The following CATSPERD variants were observed in gnomAD, a reference collection of about 807,000 sequenced individuals.
The protein encoded by CATSPERD is cation channel sperm-associated auxiliary subunit delta.
CATSPERD carries 86 observed loss-of-function variants against 98.1 expected under a neutral mutation model. The ratio of observed to expected loss-of-function variants is 0.88; its 90% CI spans 0.74 to 1.05. The LOEUF (loss-of-function observed/expected upper bound fraction) is 1.05. Ranked by LOEUF, CATSPERD falls within the 50% of genes least tolerant of loss-of-function variation. The pLI is 0.00. For missense variants in CATSPERD, 995 were observed against 1,005.7 expected (o/e 0.99, Z 0.14); for synonymous variants, 394 against 390.2 (o/e 1.01, Z -0.12).
rs751474758 is a variant in CATSPERD, at chr19:5,768,238, G to A, written c.1630G>A (p.Glu544Lys). 5.6e-6 allele frequency: 9 copies of A among 1,612,750 alleles called. No individual in the cohort carries two copies. In the South Asian group the frequency reaches 7.7e-5, roughly 14 times the overall value. Residue 544 changes from glutamate (E) to lysine (K), a missense_variant, in exon 18 of 22, where the codon GAG (glutamate) becomes AAG (lysine). Physicochemically the swap from Glu to Lys is moderately conservative, Grantham distance 56. Coordinates refer to ENST00000381624, the MANE Select transcript of CATSPERD (RefSeq NM_152784.4). ...GCAAGACAATTACAGCTTCATCATC[G>A]AGAAGTAAGCCAGCGTCCCCCCGCA... is the stretch of plus-strand genomic sequence containing the variant. Reference protein sequence around the residue: ...TLQDNYSFIIEKEFYDPGFQG... With the variant: ...TLQDNYSFIIKKEFYDPGFQG...
intron 4 of CATSPERD, among the ~76,000 whole-genome samples, chr19:5,730,218 T>C (rs745592630): frequency 6.6e-5 from 10 of 152,180 alleles, no homozygotes; most frequent in South Asian, 2.1e-4. Flanking sequence ...AATAGATAGA[T>C]GGGATGGTAT....
intron 5 of CATSPERD, among the ~76,000 whole-genome samples, chr19:5,736,872 A>G (rs1395111453): frequency 1.3e-5 from 2 of 151,936 alleles, no homozygotes; most frequent in Admixed American, 6.6e-5. Flanking sequence ...CCTGGCTAAC[A>G]CAGTGAAACC....
At position 5,778,479 on chromosome 19, in the gene CATSPERD, C is replaced by G. The variant is rs746960381; in HGVS notation, c.2200C>G (p.Leu734Val). Residue 734 changes from leucine to valine, a missense_variant, in exon 22 of 22, where the codon CTG becomes GTG. By Grantham distance (32) the Leu-to-Val change is conservative (BLOSUM62 1). Transcript: ENST00000381624. ...VVILLIISSILGSVWLAYKTP... is the reference protein window; with the variant it reads ...VVILLIISSIVGSVWLAYKTP... ...CATCCTACTGATCATCTCCAGCATC[C>G]TGGGGTCCGTTTGGCTGGCCTACAA... The G allele has an allele frequency of 1.9e-6, 3 of 1,614,064 alleles. No individual in the cohort carries two copies. The highest frequency in any genetic ancestry group is 2.2e-5 in the South Asian group (2 of 91,088).
chr19:5,754,289 C>A, intron 13 of CATSPERD, 44 bp downstream of exon 13: 1 of 1,394,674 alleles, frequency 7.2e-7, no homozygotes, highest in Non-Finnish European at 1.0e-6. Context: ...TTCTCAGCCA[C>A]ATGCCTGGTG....
At chr19:5,752,024 G>T (rs1408247532) in intron 12 of CATSPERD, among the ~76,000 whole-genome samples, 1 of 151,890 alleles carries the variant, frequency 6.6e-6, no homozygotes, top group Non-Finnish European at 1.5e-5. Flanking sequence ...TTAAAGCTGG[G>T]CGTTGGCCAG....
chr19:5,723,684 T>A (rs1347246060), intron 1 of CATSPERD, among the ~76,000 whole-genome samples: 1 of 151,898 alleles, frequency 6.6e-6, no homozygotes, highest in Non-Finnish European at 1.5e-5. Context: ...CAGGATGGTC[T>A]CGATCTCCTG....
chr19:5,727,958 A>G (rs1040350201), intron 3 of CATSPERD, among the ~76,000 whole-genome samples: 1 of 151,428 alleles, frequency 6.6e-6, no homozygotes, highest in African/African-American at 2.4e-5. Context: ...TGGGAGGCCA[A>G]GGCAGGAGGA....
chr19:5,723,226 T>C (rs73544724), intron 1 of CATSPERD, among the ~76,000 whole-genome samples: 15,268 of 150,932 alleles, frequency 0.1, 1,381 homozygotes, highest in African/African-American at 0.23. Context: ...AAAAGAAATT[T>C]TCAGAAATCA....
At position 5,744,426 on chromosome 19, in the gene CATSPERD, G is replaced by A; in HGVS notation, c.574-1G>A. On this transcript the variant is annotated splice_acceptor_variant, in intron 7 of 21. Coordinates refer to ENST00000381624, the MANE Select transcript of CATSPERD (RefSeq NM_152784.4). LOFTEE classifies it high-confidence loss of function. ...TGAAGTCTTTTCTGTTTGTTTCATA[G>A]GCAGAAATCATTGGGTCTTTAGGCG... 1 of 1,610,038 alleles carries A rather than the reference G, an allele frequency of 6.2e-7. No homozygotes were observed. Among genetic ancestry groups the A allele is most frequent in the Non-Finnish European group, 8.5e-7 (1 of 1,177,452 alleles).
intron 12 of CATSPERD, 116 bp downstream of exon 12, chr19:5,751,939 G>A: frequency 1.1e-6 from 1 of 937,544 alleles, no homozygotes; most frequent in Non-Finnish European, 1.5e-6. Flanking sequence ...GAGGCTGGAG[G>A]GTTGTTTGAG....
intron 21 of CATSPERD, among the ~76,000 whole-genome samples, chr19:5,776,936 G>A (rs897512517): frequency 5.3e-5 from 8 of 151,776 alleles, no homozygotes; most frequent in East Asian, 1.9e-4. Context: ...CAGTGGCTTC[G>A]AATCAGCCAC....
Position 5,778,155 on chromosome 19 carries a change from C to T in CATSPERD, c.2097-221C>T, listed in dbSNP as rs897175009. Among the ~76,000 whole-genome samples, 5 of 147,370 alleles carry T rather than the reference C, an allele frequency of 3.4e-5. No individual in the cohort carries two copies. The South Asian group carries it at 1.1e-3, about 31-fold the overall frequency. On this transcript the variant is annotated intron_variant, in intron 21 of 21. Transcript: ENST00000381624. ...TCAGGAGGCGGAGGTTGCAATGAGC[C>T]GAGATCGTGCCACTGCACTCCAGCC...
intron 18 of CATSPERD, among the ~76,000 whole-genome samples, chr19:5,769,407 A>G (rs1327209076): frequency 6.6e-6 from 1 of 151,940 alleles, no homozygotes; most frequent in Non-Finnish European, 1.5e-5. Flanking sequence ...TACCATAAAT[A>G]TGGCTCCAAG....
chr19:5,722,561 G>A (rs1230415997), intron 1 of CATSPERD, among the ~76,000 whole-genome samples: 1 of 152,134 alleles, frequency 6.6e-6, no homozygotes, highest in Admixed American at 6.6e-5. Context: ...TGAAAATGTG[G>A]GTTATATCCA....
chr19:5,746,452 G>A (rs181219171), intron 9 of CATSPERD, among the ~76,000 whole-genome samples: 3 of 151,142 alleles, frequency 2.0e-5, no homozygotes, highest in East Asian at 3.9e-4. Context: ...TTTTTGAGAC[G>A]GAGTCTCACT....
intron 5 of CATSPERD, among the ~76,000 whole-genome samples, chr19:5,734,926 C>T (rs1188917945): frequency 6.6e-6 from 1 of 151,968 alleles, no homozygotes; most frequent in Non-Finnish European, 1.5e-5. Flanking sequence ...GAGCATTGTC[C>T]CTCCCACACA....
At chr19:5,772,534 G>A (rs1462104030) in intron 19 of CATSPERD, 10 of 457,446 alleles carry the variant, frequency 2.2e-5, no homozygotes, top group African/African-American at 2.0e-4. Context: ...GCTCCGAGCA[G>A]ACTTTTCCTT....
intron 1 of CATSPERD, 103 bp downstream of exon 1, chr19:5,720,911 C>T (rs1015266262): frequency 3.3e-6 from 3 of 896,048 alleles, no homozygotes; most frequent in Admixed American, 5.6e-5. Flanking sequence ...CTGAGGCTCC[C>T]CTTTTACTCT....
At chr19:5,758,923 CAAAA>C (rs1002375684) in intron 14 of CATSPERD, among the ~76,000 whole-genome samples, 159 bp from the exon 15 acceptor site, 29 of 39,500 alleles carry the variant, frequency 7.3e-4, no homozygotes, top group African/African-American at 1.6e-3. Context: ...GACTCCATCT[CAAAA>C]AAAAAAAAAA....
Sources: allele counts gnomAD v4.1 joint callset (sites outside exome capture counted in the v4.1 genomes callset), GRCh38; gene constraint gnomAD v4.1.1; transcripts MANE v1.5; gene names NCBI Gene and HGNC (gene_info 2026-07-23, HGNC 2026-07-21).